PPP1R16B: variants seen among roughly 807,000 people sequenced by gnomAD.
PPP1R16B encodes the protein protein phosphatase 1 regulatory subunit 16B.
A neutral mutation model predicts 61.7 loss-of-function variants in PPP1R16B; 14 were observed. The observed-to-expected ratio is 0.23, with a 90% CI of 0.15 to 0.35. The LOEUF (loss-of-function observed/expected upper bound fraction) is 0.35. Among genes scored for constraint, PPP1R16B ranks in the 10% least tolerant of loss-of-function variants. The pLI is 1.00. For synonymous variants in PPP1R16B, 266 were observed against 305.3 expected, an observed-to-expected ratio of 0.87 and a Z score of 1.34; for missense variants, 547 against 752.5, an observed-to-expected ratio of 0.73 and a Z score of 3.19.
chr20:38,874,024 T>C (rs886153987), intron 2 of PPP1R16B, among the ~76,000 whole-genome samples: 13 of 152,142 alleles, frequency 8.5e-5, no homozygotes, highest in African/African-American at 3.1e-4. Context: ...CCACCGTGCC[T>C]GGCCAGCTGA....
At chr20:38,894,337 G>T (rs1404736666) in intron 3 of PPP1R16B, among the ~76,000 whole-genome samples, 1 of 152,142 alleles carries the variant, frequency 6.6e-6, no homozygotes, top group East Asian at 1.9e-4. Context: ...TGCTCCTTCT[G>T]TTGGCGTCTG....
chr20:38,886,993 T>C (rs2085249609), intron 2 of PPP1R16B, among the ~76,000 whole-genome samples: 1 of 152,150 alleles, frequency 6.6e-6, no homozygotes, highest in South Asian at 2.1e-4. Context: ...GCTATGGGTA[T>C]ATATAACAGG....
At chr20:38,881,278 C>T (rs1369445295) in intron 2 of PPP1R16B, among the ~76,000 whole-genome samples, 1 of 152,184 alleles carries the variant, frequency 6.6e-6, no homozygotes, top group Non-Finnish European at 1.5e-5. Context: ...CAGGGAGGAG[C>T]AGTGGTGGGT....
chr20:38,853,794 A>G (rs2084984716), intron 2 of PPP1R16B, among the ~76,000 whole-genome samples: 1 of 152,190 alleles, frequency 6.6e-6, no homozygotes, highest in Admixed American at 6.5e-5. Flanking sequence ...TGGGTCAGCC[A>G]GTGTCTGGGG....
At chr20:38,856,267 A>T (rs1245806964) in intron 2 of PPP1R16B, among the ~76,000 whole-genome samples, 1 of 152,022 alleles carries the variant, frequency 6.6e-6, no homozygotes, top group Non-Finnish European at 1.5e-5. Context: ...GCCAGGCACA[A>T]AGTGGGAGTT....
rs573605317 is a variant in PPP1R16B at position 38,861,458 on chromosome 20, C to T, written c.250+25283C>T. On this transcript the variant is annotated intron_variant, in intron 2 of 10. Coordinates refer to ENST00000299824, the MANE Select transcript of PPP1R16B (RefSeq NM_015568.4). ...CCTGTGTCCCTCCAAAGTGATGGCT[C>T]CACCTGGGGGGCTAGGCTCTGCCTC... Among the ~76,000 whole-genome samples, 3 of 152,282 alleles carry T rather than the reference C, an allele frequency of 2.0e-5. No homozygotes were observed. In the East Asian group the frequency reaches 5.8e-4, roughly 29 times the overall value.
At chr20:38,852,747 CTT>C (rs1185726609) in intron 2 of PPP1R16B, among the ~76,000 whole-genome samples, 8 of 31,516 alleles carry the variant, frequency 2.5e-4, no homozygotes, top group Non-Finnish European at 2.6e-4. Context: ...CCACTGTTTC[CTT>C]TTTTTTTTTT....
rs2085597960 is a variant in PPP1R16B, at chr20:38,921,508, TC to T, written c.*2843del. 1 of 152,206 alleles carries T rather than the reference TC, an allele frequency of 6.6e-6. No individual in the cohort carries two copies. Among genetic ancestry groups the T allele is most frequent in the Admixed American group, 6.5e-5 (1 of 15,286 alleles). 9.4% of individuals were successfully genotyped at this position (152,206 alleles called of 1,614,324 possible). On this transcript the variant is annotated 3_prime_UTR_variant, in exon 11 of 11. Transcript: ENST00000299824. ...TCTTCGTCCAGCGACCCTTTGCTTT[TC>T]GGCTCCTAGAATCCTTAGAGTCTGA...
In PPP1R16B at chr20:38,860,215, G is replaced by A. The variant is rs370202712; in HGVS notation, c.250+24040G>A. Among the ~76,000 whole-genome samples the A allele has an allele frequency of 2.1e-4, 32 of 152,112 alleles. 1 individual carries two copies. Among genetic ancestry groups the A allele is most frequent in the Admixed American group, 5.9e-4 (9 of 15,272 alleles). On this transcript the variant is annotated intron_variant, in intron 2 of 10. Transcript: ENST00000299824. ...ACTTCTGACCTCAGGTGATCCTCCCGCCTTGGCCTCCCATAGTGCTGGGAT... is the reference window on the plus strand; with the variant it reads ...ACTTCTGACCTCAGGTGATCCTCCCACCTTGGCCTCCCATAGTGCTGGGAT...
At chr20:38,877,770 T>C (rs949213698) in intron 2 of PPP1R16B, among the ~76,000 whole-genome samples, 1 of 152,194 alleles carries the variant, frequency 6.6e-6, no homozygotes, top group Non-Finnish European at 1.5e-5. Flanking sequence ...AAGTATCTCA[T>C]TTTTGATCAG....
Position 38,918,197 on chromosome 20 carries a change from C to G in PPP1R16B, c.1235C>G (p.Pro412Arg). The change falls in exon 11 of 11, where the codon CCT becomes CGT. Residue 412 changes from proline to arginine, a missense_variant. Pro to Arg is a moderately radical substitution (Grantham distance 103). Coordinates refer to ENST00000299824, the MANE Select transcript of PPP1R16B (RefSeq NM_015568.4). This position sits in a 1 kb window ranked among gnomAD's most constrained non-coding sequence, Gnocchi z 5.3. ...AAGCCCGTGCTACTCTCCGAATTTC[C>G]TACCAAGATCCCACGAGGTGAACTG... is the stretch of plus-strand genomic sequence containing the variant. Reference protein sequence around the residue: ...LEKPVLLSEFPTKIPRGELDM... With the variant: ...LEKPVLLSEFRTKIPRGELDM... The G allele has an allele frequency of 6.2e-7, 1 of 1,614,242 alleles. No individual in the cohort carries two copies. The highest frequency in any genetic ancestry group is 1.3e-5 in the African/African-American group (1 of 75,068).
chr20:38,881,728 C>T (rs1214043232), intron 2 of PPP1R16B, among the ~76,000 whole-genome samples: 2 of 152,242 alleles, frequency 1.3e-5, no homozygotes, highest in Non-Finnish European at 1.5e-5. Flanking sequence ...TTCTCTATCA[C>T]ATGATGTTCT....
chr20:38,807,844 C>T (rs1489249245), intron 1 of PPP1R16B, among the ~76,000 whole-genome samples: 4 of 152,160 alleles, frequency 2.6e-5, no homozygotes, highest in Non-Finnish European at 5.9e-5. Flanking sequence ...TCTCCTACCA[C>T]CGTGACACTC....
chr20:38,832,245 C>G (rs1421985184), intron 1 of PPP1R16B, among the ~76,000 whole-genome samples: 2 of 152,082 alleles, frequency 1.3e-5, no homozygotes, highest in East Asian at 3.8e-4. Context: ...TATTAGGTTA[C>G]TGGGATAATT....
At chr20:38,909,455 A>G (rs142340159) in intron 10 of PPP1R16B, among the ~76,000 whole-genome samples, 284 of 152,340 alleles carry the variant, frequency 1.9e-3, no homozygotes, top group African/African-American at 6.5e-3. Context: ...TTTGAGGGAC[A>G]CTACTTAACC....
chr20:38,809,563 T>C (rs2084684816), intron 1 of PPP1R16B, among the ~76,000 whole-genome samples: 1 of 151,902 alleles, frequency 6.6e-6, no homozygotes, highest in African/African-American at 2.4e-5. Context: ...CTGACCCAGG[T>C]CTGAATCTTG....
intron 10 of PPP1R16B, among the ~76,000 whole-genome samples, chr20:38,916,017 G>A (rs1340958158): frequency 6.7e-6 from 1 of 149,876 alleles, no homozygotes; most frequent in African/African-American, 2.5e-5. Context: ...ACCAAGAAAC[G>A]GTCTCTCCAT....
chr20:38,879,284 G>C (rs2085189407), intron 2 of PPP1R16B, among the ~76,000 whole-genome samples: 1 of 152,148 alleles, frequency 6.6e-6, no homozygotes, highest in Non-Finnish European at 1.5e-5. Flanking sequence ...AGAAGAGAGA[G>C]GGAAGGGTCC....
chr20:38,820,772 C>T (rs1411930230), intron 1 of PPP1R16B, among the ~76,000 whole-genome samples: 2 of 151,990 alleles, frequency 1.3e-5, no homozygotes, highest in East Asian at 3.9e-4. Flanking sequence ...GTGGCTCACG[C>T]CTGTAATCCC....
Sources: allele counts gnomAD v4.1 joint callset (sites outside exome capture counted in the v4.1 genomes callset), GRCh38; gene constraint gnomAD v4.1.1; non-coding constraint Gnocchi (gnomAD v3.1); transcripts MANE v1.5; gene names NCBI Gene and HGNC (gene_info 2026-07-23, HGNC 2026-07-21).